CTBP2: variants seen among roughly 807,000 people sequenced by gnomAD.
CTBP2 encodes C-terminal binding protein 2.
CTBP2 carries 30 observed loss-of-function variants against 80.3 expected under a neutral mutation model. That is an observed-to-expected ratio of 0.37 (90% confidence interval 0.28 to 0.51). The LOEUF is 0.51. CTBP2 is among the 20% of genes least tolerant of loss of function. The pLI is 0.93. For synonymous variants in CTBP2, 594 were observed against 587.4 expected (o/e 1.01, Z -0.16); for missense variants, 1,212 against 1,375.3 (o/e 0.88, Z 1.88).
At chr10:125,056,660 G>A (rs1015200752) in intron 2 of CTBP2, among the ~76,000 whole-genome samples, 1 of 152,200 alleles carries the variant, frequency 6.6e-6, no homozygotes, top group Non-Finnish European at 1.5e-5. Flanking sequence ...AATGACCAAC[G>A]CCATCCTCCT....
chr10:125,126,622 GGGCAGATGTGCT>G (rs1008712312), intron 1 of CTBP2, among the ~76,000 whole-genome samples: 30 of 152,346 alleles, frequency 2.0e-4, no homozygotes, highest in East Asian at 1.3e-3. Context: ...TTCCCTGTTA[GGGCAGATGTGCT>G]CGCACCTCCC....
At chr10:125,070,328 G>A (rs1845274449) in intron 2 of CTBP2, among the ~76,000 whole-genome samples, 1 of 151,600 alleles carries the variant, frequency 6.6e-6, no homozygotes, top group African/African-American at 2.4e-5. Context: ...TCCAGCCTGA[G>A]TGACAGAGAG....
At chr10:124,995,322 C>CA (rs1184390454) in intron 4 of CTBP2, among the ~76,000 whole-genome samples, 3 of 152,328 alleles carry the variant, frequency 2.0e-5, no homozygotes, top group Non-Finnish European at 4.4e-5. Flanking sequence ...GGCCTCCCGC[C>CA]AGCTATGTCA....
chr10:125,132,698 C>T (rs1856381194), intron 1 of CTBP2, among the ~76,000 whole-genome samples: 1 of 152,138 alleles, frequency 6.6e-6, no homozygotes, highest in African/African-American at 2.4e-5. Flanking sequence ...TACTTATAAA[C>T]TTATTTGAAT....
At chr10:125,139,396 A>G (rs1375054129) in intron 1 of CTBP2, among the ~76,000 whole-genome samples, 4 of 144,118 alleles carry the variant, frequency 2.8e-5, no homozygotes, top group South Asian at 2.2e-4. Context: ...AAAAAAAAAA[A>G]GATGGTAGCT....
intron 2 of CTBP2, among the ~76,000 whole-genome samples, chr10:125,054,441 G>C (rs1240492257): frequency 6.6e-6 from 1 of 152,126 alleles, no homozygotes; most frequent in Non-Finnish European, 1.5e-5. Context: ...AGTCCCAACA[G>C]TCCATGAGAA....
chr10:125,116,631 T>C (rs1853353581), intron 1 of CTBP2, among the ~76,000 whole-genome samples: 3 of 152,160 alleles, frequency 2.0e-5, no homozygotes. Flanking sequence ...CCCCCTCTCC[T>C]AGCCTGACAC....
intron 1 of CTBP2, among the ~76,000 whole-genome samples, chr10:125,012,547 C>T (rs1956048900): frequency 6.6e-6 from 1 of 152,222 alleles, no homozygotes. Flanking sequence ...ACTCCCCCAC[C>T]TGCCTGTGCC....
intron 1 of CTBP2, among the ~76,000 whole-genome samples, chr10:125,008,699 A>G (rs1955531952): frequency 6.6e-6 from 1 of 152,266 alleles, no homozygotes; most frequent in Non-Finnish European, 1.5e-5. Context: ...TTCCTCTTCA[A>G]AGACTTTCCT....
chr10:125,018,586 A>AACTC (rs1413703213), intron 1 of CTBP2, among the ~76,000 whole-genome samples: 3 of 146,354 alleles, frequency 2.0e-5, no homozygotes, highest in Non-Finnish European at 3.0e-5. Context: ...CAAACAAACA[A>AACTC]ACTCCACAAT....
intron 2 of CTBP2, among the ~76,000 whole-genome samples, chr10:125,060,610 G>A (rs545017205): frequency 2.0e-5 from 3 of 152,200 alleles, no homozygotes; most frequent in African/African-American, 4.8e-5. Flanking sequence ...AGCAGGGAAC[G>A]TTCCCGAGTT....
chr10:125,047,730 A>G (rs1961624813), intron 2 of CTBP2, among the ~76,000 whole-genome samples: 1 of 152,264 alleles, frequency 6.6e-6, no homozygotes, highest in Non-Finnish European at 1.5e-5. Context: ...ATCATATAGT[A>G]TATAATAAAT....
chr10:125,101,343 G>A (rs576148789), intron 2 of CTBP2, among the ~76,000 whole-genome samples: 1 of 152,356 alleles, frequency 6.6e-6, no homozygotes, highest in South Asian at 2.1e-4. Flanking sequence ...GCAAATTGCA[G>A]AGACCTCAAG....
chr10:125,003,656 G>A (rs1299522465), intron 1 of CTBP2, among the ~76,000 whole-genome samples, 164 bp from the exon 4 acceptor site: 1 of 152,190 alleles, frequency 6.6e-6, no homozygotes, highest in East Asian at 1.9e-4. Context: ...GGGAGCCACT[G>A]ACACGAAGAG....
rs148309859 is a variant in CTBP2 at position 125,027,034 on chromosome 10, G to T, written c.726C>A (p.Pro242=). The change falls in exon 1 of 9, where the codon CCC becomes CCA. Residue 242 remains proline (P), a synonymous_variant. Transcript: ENST00000309035. ...CTGGGGCCACCCCTGTGCTGCCTTCGGGGGCAGCAGCTGAACTGGGGTCCA... is the reference window on the plus strand; with the variant it reads ...CTGGGGCCACCCCTGTGCTGCCTTCTGGGGCAGCAGCTGAACTGGGGTCCA... 11 of 1,613,410 alleles carry T rather than the reference G, an allele frequency of 6.8e-6. No homozygotes were observed. The highest frequency in any genetic ancestry group is 1.7e-6 in the Non-Finnish European group (2 of 1,179,772).
intron 2 of CTBP2, among the ~76,000 whole-genome samples, chr10:125,103,672 T>A (rs979468859): frequency 6.6e-6 from 1 of 152,124 alleles, no homozygotes; most frequent in East Asian, 1.9e-4. Context: ...AGCCAAGGTC[T>A]CCTAGGACGC....
chr10:124,991,983 C>T (rs1486376780), intron 8 of CTBP2, among the ~76,000 whole-genome samples: 2 of 151,642 alleles, frequency 1.3e-5, no homozygotes, highest in Non-Finnish European at 2.9e-5. Flanking sequence ...TGTCTTTCCC[C>T]CACTCTGCGT....
chr10:125,145,340 G>A (rs1858560799), intron 1 of CTBP2, among the ~76,000 whole-genome samples: 1 of 152,070 alleles, frequency 6.6e-6, no homozygotes, highest in African/African-American at 2.4e-5. Context: ...CTGGCCAGGG[G>A]TGCCTTGGGG....
At chr10:125,148,854 A>C (rs1472131624) in intron 1 of CTBP2, among the ~76,000 whole-genome samples, 1 of 152,216 alleles carries the variant, frequency 6.6e-6, no homozygotes, top group Non-Finnish European at 1.5e-5. Context: ...CCTCATTCTT[A>C]ATCCCAGGCT....
Sources: allele counts gnomAD v4.1 joint callset (sites outside exome capture counted in the v4.1 genomes callset), GRCh38; gene constraint gnomAD v4.1.1; transcripts MANE v1.5; gene names NCBI Gene and HGNC (gene_info 2026-07-23, HGNC 2026-07-21).